Variants in NOM1 observed in about 807,000 individuals in gnomAD.
NOM1 encodes the protein nucleolar protein with MIF4G domain 1, also known as nucleolar MIF4G domain-containing protein 1.
In NOM1, 58 loss-of-function variants were observed where a neutral mutation model predicts 73.3. The ratio of observed to expected loss-of-function variants is 0.79; its 90% CI spans 0.64 to 0.99. The LOEUF (loss-of-function observed/expected upper bound fraction) is 0.99. Ranked by LOEUF, NOM1 falls within the 50% of genes least tolerant of loss-of-function variation. The pLI, the probability that NOM1 is intolerant of heterozygous loss-of-function variation, is 0.00. For synonymous variants in NOM1, 487 were observed against 446.8 expected (o/e 1.09, Z -1.14); for missense variants, 1,226 against 1,131.9 (o/e 1.08, Z -1.19).
At chr7:156,965,806 C>T (rs772137986) in intron 7 of NOM1, among the ~76,000 whole-genome samples, 29 of 151,936 alleles carry the variant, frequency 1.9e-4, no homozygotes, top group Non-Finnish European at 3.8e-4. Context: ...TCCAGCTACT[C>T]GGGAGGCTGA....
chr7:156,959,726 A>G lies in NOM1; in HGVS notation c.1309-125A>G, dbSNP rs1804816128. 3 of 925,928 alleles carry G rather than the reference A, an allele frequency of 3.2e-6. No homozygotes were observed. In the African/African-American group the frequency reaches 5.0e-5, roughly 16 times the overall value. 57.4% of individuals were successfully genotyped at this position (925,928 alleles called of 1,614,324 possible). A position where few individuals can be genotyped will look rare whatever the true frequency, so the allele number is the denominator to read the frequency against. On this transcript the variant is annotated intron_variant, in intron 3 of 10. Coordinates refer to ENST00000275820, the MANE Select transcript of NOM1 (RefSeq NM_138400.2). Reference sequence around the variant, plus strand: ...GCCGGCTGCTCTGGGTTGCCGAGGGATGCCTTGTTGGAATGCCCTGCCTTG... The same window carrying G: ...GCCGGCTGCTCTGGGTTGCCGAGGGGTGCCTTGTTGGAATGCCCTGCCTTG...
At position 156,949,868 on chromosome 7, in the gene NOM1, G is replaced by A. The variant is rs200373607; in HGVS notation, c.131G>A (p.Arg44Lys). 1.7e-4 allele frequency: 251 copies of A among 1,519,742 alleles called. No individual in the cohort carries two copies. The African/African-American group carries it at 3.2e-3, about 20-fold the overall frequency. 94.1% of individuals were successfully genotyped at this position (1,519,742 alleles called of 1,614,324 possible). The change falls in exon 1 of 11, where the codon AGG becomes AAG. Residue 44 changes from arginine to lysine, a missense_variant. Arg to Lys is a conservative substitution (Grantham distance 26). Transcript: ENST00000275820. ...GGCGGTGGGGAGAAGGCCCTGAAGA[G>A]GCTGAAGCTAGCGGTGGAGGAGTTC... ...PAGGGEKALK[R>K]LKLAVEEFVH...
Position 156,969,679 on chromosome 7 carries a change from AG to A in NOM1, c.2561del (p.Gly854GlufsTer5). 1 of 1,611,950 alleles carries A rather than the reference AG, an allele frequency of 6.2e-7. No individual in the cohort carries two copies. Reference sequence around the variant, plus strand: ...CTGACCTTGCAACGAAGTGTCTGCAAGGAAAAGCTTCCCTGAGAATGTAGTC... The same window carrying A: ...CTGACCTTGCAACGAAGTGTCTGCAAGAAAAGCTTCCCTGAGAATGTAGTC... ...KADLATKCLQ[G>X]KASLRM is the part of the protein sequence containing the mutation. On this transcript the variant is annotated frameshift_variant, in exon 11 of 11. Transcript: ENST00000275820. LOFTEE classifies it high-confidence loss of function.
chr7:156,954,010 T>C, intron 2 of NOM1, 93 bp from the exon 3 acceptor site: 2 of 997,534 alleles, frequency 2.0e-6, no homozygotes, highest in South Asian at 1.5e-5. Flanking sequence ...TAGAATATAT[T>C]GTTGGTATGG....
intron 1 of NOM1, among the ~76,000 whole-genome samples, chr7:156,951,209 C>T (rs1342709256): frequency 6.6e-6 from 1 of 152,154 alleles, no homozygotes; most frequent in Non-Finnish European, 1.5e-5. Flanking sequence ...ACCAGCCTGG[C>T]TAACGTGGTG....
intron 1 of NOM1, 53 bp downstream of exon 1, chr7:156,950,777 A>G (rs1006307627): frequency 6.8e-7 from 1 of 1,471,202 alleles, no homozygotes; most frequent in Non-Finnish European, 9.1e-7. Flanking sequence ...AAATAACGGG[A>G]CAGGGAATGG....
intron 8 of NOM1, among the ~76,000 whole-genome samples, chr7:156,966,679 T>C (rs911665271): frequency 6.6e-6 from 1 of 152,224 alleles, no homozygotes; most frequent in Non-Finnish European, 1.5e-5. Flanking sequence ...CGGTTCACAG[T>C]GCACCAGTCT....
rs1157194308 is a variant in NOM1, at chr7:156,972,025, C to G, written c.*2322C>G. On this transcript the variant is annotated 3_prime_UTR_variant, in exon 11 of 11. Transcript: ENST00000275820. ...ATTGGGATGTAACAGATCAGTTCTA[C>G]TGGACTTGTAGCTTGATAGTGAAAT... 6.6e-6 allele frequency: 1 copy of G among 152,218 alleles called. No homozygotes were observed. Among genetic ancestry groups the G allele is most frequent in the African/African-American group, 2.4e-5 (1 of 41,446 alleles). The allele number at this position is 152,218 out of a possible 1,614,324, so 9.4% of individuals were successfully genotyped here. A position where few individuals can be genotyped will look rare whatever the true frequency, so the allele number is the denominator to read the frequency against.
rs556449362 is a variant in NOM1, at chr7:156,956,065, C to T, written c.1308+1767C>T. Among the ~76,000 whole-genome samples the T allele has an allele frequency of 1.1e-4, 17 of 152,054 alleles. No homozygotes were observed. The South Asian group carries it at 2.9e-3, about 26-fold the overall frequency. ...AAAATTAGCCAGGCATGGTGGCGGG[C>T]GCCTGAAGTCCCAGCTACTCCGGAG... On this transcript the variant is annotated intron_variant, in intron 3 of 10. Transcript: ENST00000275820.
chr7:156,962,875 C>T (rs1401851125), intron 5 of NOM1, 133 bp from the exon 6 acceptor site: 3 of 977,166 alleles, frequency 3.1e-6, no homozygotes, highest in Admixed American at 2.7e-5. Context: ...GGCTAACCGT[C>T]CCAATTGCCA....
intron 3 of NOM1, among the ~76,000 whole-genome samples, chr7:156,954,670 C>T (rs953491457): frequency 2.6e-5 from 4 of 151,948 alleles, no homozygotes; most frequent in African/African-American, 4.8e-5. Flanking sequence ...CCAGGCCTGG[C>T]TAATTGTTTT....
chr7:156,965,011 T>C (rs2134794241), intron 7 of NOM1, among the ~76,000 whole-genome samples: 1 of 152,396 alleles, frequency 6.6e-6, no homozygotes, highest in East Asian at 1.9e-4. Context: ...CCCATTCTTA[T>C]TCCTCAAAAT....
Position 156,950,496 on chromosome 7 carries a change from T to G in NOM1, c.759T>G (p.Ser253Arg). The G allele has an allele frequency of 6.2e-7, 1 of 1,612,232 alleles. No individual in the cohort carries two copies. The highest frequency in any genetic ancestry group is 1.3e-5 in the African/African-American group (1 of 74,234). The change falls in exon 1 of 11, where the codon AGT becomes AGG. Residue 253 changes from serine to arginine, a missense_variant. Ser to Arg is a moderately radical substitution (Grantham distance 110). Coordinates refer to ENST00000275820, the MANE Select transcript of NOM1 (RefSeq NM_138400.2). ...GQTLPESDLESDSQDESEEEE... is the reference protein window; with the variant it reads ...GQTLPESDLERDSQDESEEEE... ...CACTCCCCGAAAGTGACTTAGAGAG[T>G]GACTCCCAGGACGAAAGTGAGGAGG...
intron 3 of NOM1, 138 bp from the exon 4 acceptor site, chr7:156,959,713 G>A (rs1586569925): frequency 1.3e-6 from 1 of 796,264 alleles, no homozygotes; most frequent in East Asian, 2.7e-5. Context: ...CGGCTGCTCT[G>A]GGTTGCCGAG....
In NOM1 at chr7:156,954,338, CATG is replaced by C. The variant is rs778330742; in HGVS notation, c.1308+41_1308+43del. ...TTTCTCCAGGCTGTCACTAGTGTCT[CATG>C]GTGATTATTTTAATGATAGGCTTGA... On this transcript the variant is annotated intron_variant, in intron 3 of 10. Transcript: ENST00000275820. The C allele has an allele frequency of 2.7e-6, 4 of 1,504,966 alleles. No individual in the cohort carries two copies. In the African/African-American group the frequency reaches 4.2e-5, roughly 16 times the overall value. 93.2% of individuals were successfully genotyped at this position (1,504,966 alleles called of 1,614,324 possible).
Position 156,966,371 on chromosome 7 carries a change from G to C in NOM1, c.2135G>C (p.Ser712Thr), listed in dbSNP as rs377320457. ...TYNPFYAFLA[S>T]KFCEYERRFQ... The stretch of plus-strand genomic sequence containing the variant: ...AATCCCTTCTATGCTTTCCTGGCTA[G>C]CAAATTCTGTGAATATGAAAGGAGA... Residue 712 changes from serine to threonine, a missense_variant, in exon 8 of 11, where the codon AGC becomes ACC. Physicochemically the swap from Ser to Thr is moderately conservative, Grantham distance 58 (BLOSUM62 1). Transcript: ENST00000275820. 2 of 1,614,040 alleles carry C rather than the reference G, an allele frequency of 1.2e-6. No individual in the cohort carries two copies. The highest frequency in any genetic ancestry group is 1.7e-6 in the Non-Finnish European group (2 of 1,180,038).
At chr7:156,951,390 G>GA (rs1162680143) in intron 1 of NOM1, among the ~76,000 whole-genome samples, 19 of 149,600 alleles carry the variant, frequency 1.3e-4, no homozygotes, top group South Asian at 1.1e-3. Flanking sequence ...CTGTTTCAAA[G>GA]AAAAAAAAAA....
intron 3 of NOM1, among the ~76,000 whole-genome samples, chr7:156,958,405 A>G (rs776743789): frequency 6.6e-6 from 1 of 152,184 alleles, no homozygotes; most frequent in Non-Finnish European, 1.5e-5. Flanking sequence ...GGTCCAGCGC[A>G]GCTGCGTTAT....
chr7:156,949,776 C>G lies in NOM1; in HGVS notation c.39C>G (p.Gly13=). 7.2e-7 allele frequency: 1 copy of G among 1,395,622 alleles called. No individual in the cohort carries two copies. Among genetic ancestry groups the G allele is most frequent in the East Asian group, 2.8e-5 (1 of 35,644 alleles). 86.5% of individuals were successfully genotyped at this position (1,395,622 alleles called of 1,614,324 possible). A position where few individuals can be genotyped will look rare whatever the true frequency, so the allele number is the denominator to read the frequency against. ...ASRSAGEAGP[G]GSQGRVVRMK... is the part of the protein sequence containing the mutation. ...GGAGCGCGGGAGAGGCCGGCCCGGG[C>G]GGCTCCCAGGGACGCGTGGTCCGCA... Residue 13 remains glycine, a synonymous_variant, in exon 1 of 11, where the codon GGC becomes GGG. Coordinates refer to ENST00000275820, the MANE Select transcript of NOM1 (RefSeq NM_138400.2).
Sources: allele counts gnomAD v4.1 joint callset (sites outside exome capture counted in the v4.1 genomes callset), GRCh38; gene constraint gnomAD v4.1.1; transcripts MANE v1.5; gene names NCBI Gene and HGNC (gene_info 2026-07-23, HGNC 2026-07-21).